CMTM4: variants seen among roughly 807,000 people sequenced by gnomAD.
CMTM4 encodes CKLF like MARVEL transmembrane domain containing 4, also known as CKLF-like MARVEL transmembrane domain-containing protein 4.
In CMTM4, 8 loss-of-function variants were observed where a neutral mutation model predicts 19.0. That is an observed-to-expected ratio of 0.42 (90% CI 0.25 to 0.76). CMTM4 has a LOEUF of 0.76. Among genes scored for constraint, CMTM4 ranks in the 30% least tolerant of loss-of-function variants. CMTM4 has a pLI of 0.27. For synonymous variants in CMTM4, 106 were observed against 121.1 expected, an observed-to-expected ratio of 0.88 and a Z score of 0.82; for missense variants, 228 against 290.2, an observed-to-expected ratio of 0.79 and a Z score of 1.56.
At chr16:66,601,568 T>C in the CMTM4 span, among the ~76,000 whole-genome samples, 2 of 152,146 alleles carry the variant, frequency 1.3e-5, no homozygotes, top group African/African-American at 2.4e-5. Context: ...CTCTGGTCGG[T>C]CGGACTGGCA....
rs1392569742 is a variant in CMTM4 at position 66,683,054 on chromosome 16, G to A, written c.186+13286C>T. The stretch of plus-strand genomic sequence containing the variant: ...TAAAAAAAGAAAAAGTAATTACGAT[G>A]GCATTTTATTTCCATAGTTTCTCTC... On this transcript the variant is annotated intron_variant, in intron 1 of 3. Coordinates refer to ENST00000394106, the MANE Select transcript of CMTM4 (RefSeq NM_181521.3). Among the ~76,000 whole-genome samples the A allele has an allele frequency of 2.0e-5, 3 of 148,432 alleles. No homozygotes were observed. In the East Asian group the frequency reaches 5.9e-4, roughly 29 times the overall value.
chr16:66,629,302 T>C (rs567826775), intron 2 of CMTM4, among the ~76,000 whole-genome samples: 2 of 152,322 alleles, frequency 1.3e-5, no homozygotes, highest in East Asian at 3.9e-4. Flanking sequence ...ACCCATCCTT[T>C]GCACTCACTT....
At chr16:66,677,390 C>G (rs1668005) in intron 1 of CMTM4, among the ~76,000 whole-genome samples, 14,180 of 152,290 alleles carry the variant, frequency 0.093, 913 homozygotes, top group East Asian at 0.25. Context: ...GCTGGGCAAA[C>G]GGCAGCAGCG....
Position 66,621,994 on chromosome 16 carries a change from G to T in CMTM4, c.*64C>A. On this transcript the variant is annotated 3_prime_UTR_variant, in exon 4 of 4. Coordinates refer to ENST00000394106, the MANE Select transcript of CMTM4 (RefSeq NM_181521.3). ...ATCACATGGAAATCTGACAGGACAAGGGAAAGAAAACTTGACTGAGAGACA... is the reference window on the plus strand; with the variant it reads ...ATCACATGGAAATCTGACAGGACAATGGAAAGAAAACTTGACTGAGAGACA... 6.6e-7 allele frequency: 1 copy of T among 1,517,140 alleles called. No homozygotes were observed. 94.0% of individuals were successfully genotyped at this position (1,517,140 alleles called of 1,614,324 possible).
chr16:66,652,895 GC>G (rs1366224900), intron 1 of CMTM4, among the ~76,000 whole-genome samples: 12 of 152,308 alleles, frequency 7.9e-5, no homozygotes, highest in Non-Finnish European at 1.5e-4. Context: ...ATGCTACCCT[GC>G]TCAAAAAGTC....
chr16:66,629,644 G>A (rs141873032), intron 2 of CMTM4, among the ~76,000 whole-genome samples: 1 of 152,162 alleles, frequency 6.6e-6, no homozygotes, highest in Non-Finnish European at 1.5e-5. Context: ...TGGGAAGAGG[G>A]TGGTAGACAG....
intron 1 of CMTM4, among the ~76,000 whole-genome samples, chr16:66,641,645 AG>A (rs1011175688): frequency 2.6e-5 from 4 of 152,214 alleles, no homozygotes; most frequent in African/African-American, 7.2e-5. Flanking sequence ...CAGTCTCTCC[AG>A]TTCTTACTGC....
At chr16:66,659,479 G>T (rs1016725929) in intron 1 of CMTM4, among the ~76,000 whole-genome samples, 1 of 152,034 alleles carries the variant, frequency 6.6e-6, no homozygotes, top group Non-Finnish European at 1.5e-5. Context: ...TGACATAAAG[G>T]GAGATGAGGG....
At chr16:66,627,125 T>C (rs976344719) in intron 2 of CMTM4, among the ~76,000 whole-genome samples, 2 of 152,040 alleles carry the variant, frequency 1.3e-5, no homozygotes, top group African/African-American at 4.8e-5. Flanking sequence ...AAATAAATGA[T>C]ATAAGGCAAA....
At chr16:66,689,112 G>C (rs1382146782) in intron 1 of CMTM4, among the ~76,000 whole-genome samples, 1 of 152,062 alleles carries the variant, frequency 6.6e-6, no homozygotes. Context: ...TTTCTGATCT[G>C]TACGTCTCCT....
intron 2 of CMTM4, 55 bp downstream of exon 2, chr16:66,636,350 T>C (rs879066542): frequency 6.8e-7 from 1 of 1,464,272 alleles, no homozygotes; most frequent in Non-Finnish European, 9.4e-7. Flanking sequence ...CAGCTTTTCC[T>C]TGGAGCCAAC....
rs1007072250 is a variant in CMTM4, at chr16:66,671,364, G to T, written c.186+24976C>A. ...TGTAAGTGATGGTGAAGAGGCCGAA[G>T]GCCTCCTGAGATGGAAACAAAGACG... On this transcript the variant is annotated intron_variant, in intron 1 of 3. Coordinates refer to ENST00000394106, the MANE Select transcript of CMTM4 (RefSeq NM_181521.3). Among the ~76,000 whole-genome samples, 6 of 152,184 alleles carry T rather than the reference G, an allele frequency of 3.9e-5. No individual in the cohort carries two copies. In the South Asian group the frequency reaches 1.2e-3, roughly 32 times the overall value.
Position 66,621,172 on chromosome 16 carries a change from G to C in CMTM4, c.*886C>G. The stretch of plus-strand genomic sequence containing the variant: ...TGTGTGTGTGCATGTGTGCGCGCAC[G>C]CGTGTGCATGCTGTTTTTTAACACA... On this transcript the variant is annotated 3_prime_UTR_variant, in exon 4 of 4. Coordinates refer to ENST00000394106, the MANE Select transcript of CMTM4 (RefSeq NM_181521.3). 1.0e-6 allele frequency: 1 copy of C among 985,646 alleles called. No individual in the cohort carries two copies. The allele number at this position is 985,646 out of a possible 1,614,324, so 61.1% of individuals were successfully genotyped here.
At chr16:66,687,060 G>A (rs1021547703) in intron 1 of CMTM4, among the ~76,000 whole-genome samples, 1 of 151,176 alleles carries the variant, frequency 6.6e-6, no homozygotes, top group African/African-American at 2.4e-5. Flanking sequence ...TAACAAATGA[G>A]GGTAAATTCC....
At chr16:66,628,356 G>A (rs1344974623) in intron 2 of CMTM4, among the ~76,000 whole-genome samples, 1 of 152,190 alleles carries the variant, frequency 6.6e-6, no homozygotes, top group Non-Finnish European at 1.5e-5. Context: ...CCATGAGGCT[G>A]TATTTCAGAC....
intron 2 of CMTM4, among the ~76,000 whole-genome samples, chr16:66,633,130 TAA>T (rs2015914882): frequency 2.8e-5 from 4 of 142,974 alleles, no homozygotes; most frequent in African/African-American, 7.9e-5. Context: ...TATATATATA[TAA>T]ATATATATAT....
intron 1 of CMTM4, among the ~76,000 whole-genome samples, chr16:66,682,280 G>T (rs1740319478): frequency 6.6e-6 from 1 of 152,104 alleles, no homozygotes; most frequent in East Asian, 1.9e-4. Context: ...TTAATCTCAA[G>T]TTATACACAT....
chr16:66,670,529 C>T (rs925831260), intron 1 of CMTM4, among the ~76,000 whole-genome samples: 5 of 151,650 alleles, frequency 3.3e-5, no homozygotes, highest in African/African-American at 1.2e-4. Flanking sequence ...TAGCCAGGCA[C>T]GATGGCTCAC....
In CMTM4 at chr16:66,619,768, G is replaced by C. The variant is rs1222013075; in HGVS notation, c.*2290C>G. ...CTAGTGGGAGTTAATTAAATACAAG[G>C]AGAACATTTACAAAACCACCGAGGA... On this transcript the variant is annotated 3_prime_UTR_variant, in exon 4 of 4. Transcript: ENST00000394106. 2 of 985,114 alleles carry C rather than the reference G, an allele frequency of 2.0e-6. No homozygotes were observed. Among genetic ancestry groups the C allele is most frequent in the African/African-American group, 3.5e-5 (2 of 57,154 alleles). 61.0% of individuals were successfully genotyped at this position (985,114 alleles called of 1,614,324 possible).
Sources: allele counts gnomAD v4.1 joint callset (sites outside exome capture counted in the v4.1 genomes callset), GRCh38; gene constraint gnomAD v4.1.1; transcripts MANE v1.5; gene names NCBI Gene and HGNC (gene_info 2026-07-23, HGNC 2026-07-21).